The following UBXN7 variants were observed in gnomAD, a reference collection of about 807,000 sequenced individuals.
UBXN7 encodes UBX domain protein 7.
UBXN7 carries 9 observed loss-of-function variants against 58.0 expected under a neutral mutation model. That is an observed-to-expected ratio of 0.16 (90% CI 0.09 to 0.27). The LOEUF (loss-of-function observed/expected upper bound fraction) is 0.27. Ranked by LOEUF, UBXN7 falls within the 10% of genes least tolerant of loss-of-function variation. The pLI, the probability that UBXN7 is intolerant of heterozygous loss-of-function variation, is 1.00. For synonymous variants in UBXN7, 208 were observed against 205.0 expected, an observed-to-expected ratio of 1.01 and a Z score of -0.12; for missense variants, 328 against 599.6, an observed-to-expected ratio of 0.55 and a Z score of 4.73.
rs1728223148 is a variant in UBXN7, at chr3:196,351,873, C to A, written c.*4812G>T. ...TGCTAGTGGCTCCCTCTGGTATTTT[C>A]CCTAAGTGTGCAAGTAAGATTCCTG... On this transcript the variant is annotated 3_prime_UTR_variant, in exon 11 of 11. Coordinates refer to ENST00000296328, the MANE Select transcript of UBXN7 (RefSeq NM_015562.2). 6.6e-6 allele frequency: 1 copy of A among 152,108 alleles called. No individual in the cohort carries two copies. The highest frequency in any genetic ancestry group is 1.5e-5 in the Non-Finnish European group (1 of 68,022). The allele number at this position is 152,108 out of a possible 1,614,324, so 9.4% of individuals were successfully genotyped here. A position where few individuals can be genotyped will look rare whatever the true frequency, so the allele number is the denominator to read the frequency against.
intron 1 of UBXN7, among the ~76,000 whole-genome samples, chr3:196,430,139 G>C (rs4133244): frequency 0.5 from 76,160 of 151,636 alleles, 19,686 homozygotes; most frequent in East Asian, 0.87. Flanking sequence ...TGGATCATTT[G>C]AGGACAGGAG....
chr3:196,382,024 T>C (rs528002552), intron 5 of UBXN7, among the ~76,000 whole-genome samples: 6 of 152,322 alleles, frequency 3.9e-5, no homozygotes, highest in African/African-American at 1.4e-4. Flanking sequence ...TTGGTGTACC[T>C]GAAAGTGACG....
intron 1 of UBXN7, among the ~76,000 whole-genome samples, chr3:196,424,799 T>C (rs1730797184): frequency 6.7e-6 from 1 of 150,070 alleles, no homozygotes; most frequent in South Asian, 2.1e-4. Context: ...GCCTTCCAGG[T>C]TCAAGCAATT....
chr3:196,397,150 G>C (rs901015127), intron 3 of UBXN7, among the ~76,000 whole-genome samples: 1 of 152,272 alleles, frequency 6.6e-6, no homozygotes, highest in African/African-American at 2.4e-5. Context: ...CTTCCAAGCC[G>C]TCTGCCACAA....
intron 5 of UBXN7, among the ~76,000 whole-genome samples, chr3:196,384,722 C>T (rs1729319467): frequency 6.6e-6 from 1 of 152,142 alleles, no homozygotes; most frequent in African/African-American, 2.4e-5. Flanking sequence ...TCAATAGATG[C>T]AGAAAAGACC....
intron 5 of UBXN7, among the ~76,000 whole-genome samples, chr3:196,376,334 G>A (rs1033316366): frequency 6.6e-6 from 1 of 151,934 alleles, no homozygotes; most frequent in Non-Finnish European, 1.5e-5. Flanking sequence ...CCTGAGGTCA[G>A]GAGTTCGAGA....
chr3:196,432,107 T>C lies in UBXN7; in HGVS notation c.73+220A>G, dbSNP rs948804950. The C allele has an allele frequency of 1.6e-5, 11 of 681,120 alleles. No individual in the cohort carries two copies. The African/African-American group carries it at 1.9e-4, about 12-fold the overall frequency. 42.2% of individuals were successfully genotyped at this position (681,120 alleles called of 1,614,324 possible). A position where few individuals can be genotyped will look rare whatever the true frequency, so the allele number is the denominator to read the frequency against. On this transcript the variant is annotated intron_variant, in intron 1 of 10. Transcript: ENST00000296328. ...GGGGTTGGGGGATCTCCCTCCACGC[T>C]ACTAGGAGACAGAGAACGAGGGTAT...
chr3:196,416,110 G>T (rs1318413354), intron 1 of UBXN7: 2 of 152,194 alleles, frequency 1.3e-5, no homozygotes, highest in African/African-American at 4.8e-5. Context: ...ACCAATGCTG[G>T]CTACTTTCAT....
intron 1 of UBXN7, among the ~76,000 whole-genome samples, chr3:196,417,602 A>G (rs899425725): frequency 1.6e-4 from 24 of 151,398 alleles, no homozygotes; most frequent in African/African-American, 5.6e-4. Flanking sequence ...ATGAAGTGCT[A>G]CCATGAATTA....
rs1728221661 is a variant in UBXN7 at position 196,351,826 on chromosome 3, A to G, written c.*4859T>C. 6.6e-6 allele frequency: 1 copy of G among 152,114 alleles called. No individual in the cohort carries two copies. Among genetic ancestry groups the G allele is most frequent in the African/African-American group, 2.4e-5 (1 of 41,412 alleles). The allele number at this position is 152,114 out of a possible 1,614,324, so 9.4% of individuals were successfully genotyped here. A position where few individuals can be genotyped will look rare whatever the true frequency, so the allele number is the denominator to read the frequency against. On this transcript the variant is annotated 3_prime_UTR_variant, in exon 11 of 11. Coordinates refer to ENST00000296328, the MANE Select transcript of UBXN7 (RefSeq NM_015562.2). ...GATTTGTACCTGGGTAGAGAAATTA[A>G]ATCTTTCCTTCATTTTTCGGTTGCT...
intron 10 of UBXN7, among the ~76,000 whole-genome samples, chr3:196,361,152 G>A (rs1728495023): frequency 6.6e-6 from 1 of 152,166 alleles, no homozygotes; most frequent in Admixed American, 6.5e-5. Context: ...TGACTTTGAG[G>A]GGTTTAAGAA....
At chr3:196,376,814 G>A (rs1729042775) in intron 5 of UBXN7, among the ~76,000 whole-genome samples, 1 of 151,842 alleles carries the variant, frequency 6.6e-6, no homozygotes, top group African/African-American at 2.4e-5. Flanking sequence ...GGGAGGCCAA[G>A]GCTGGTTAAT....
At chr3:196,385,613 C>T (rs1729356435) in intron 5 of UBXN7, among the ~76,000 whole-genome samples, 2 of 152,032 alleles carry the variant, frequency 1.3e-5, no homozygotes, top group Non-Finnish European at 2.9e-5. Context: ...CTCTGCCCCG[C>T]CGCCACCCAC....
intron 7 of UBXN7, 74 bp downstream of exon 7, chr3:196,369,347 T>C (rs1728755205): frequency 2.5e-6 from 3 of 1,191,238 alleles, no homozygotes; most frequent in African/African-American, 1.5e-5. Context: ...TCCAGTCAAA[T>C]ATTAAAGATC....
At chr3:196,388,061 A>G (rs1455265289) in intron 5 of UBXN7, among the ~76,000 whole-genome samples, 1 of 152,146 alleles carries the variant, frequency 6.6e-6, no homozygotes, top group African/African-American at 2.4e-5. Context: ...CATCAATGAT[A>G]GACTGCATTA....
At chr3:196,391,992 A>AC in intron 4 of UBXN7, 67 bp from the exon 5 acceptor site, 2 of 795,448 alleles carry the variant, frequency 2.5e-6, no homozygotes, top group Non-Finnish European at 3.8e-6. Flanking sequence ...AAAAAAAAAA[A>AC]AAAAACACAA....
chr3:196,358,077 C>G (rs1015339999), intron 10 of UBXN7, among the ~76,000 whole-genome samples: 34 of 152,072 alleles, frequency 2.2e-4, no homozygotes, highest in African/African-American at 8.0e-4. Flanking sequence ...AAACCAAAAA[C>G]CACAGAAAGC....
At position 196,406,065 on chromosome 3, in the gene UBXN7, C is replaced by CT. The variant is rs1247407565; in HGVS notation, c.221+1180dup. Reference sequence around the variant, plus strand: ...TTTTTTTGAGACAGGAGGCCTCACTCTGTGTCATCCAGGTTGGAGTGCAGT... The same window carrying CT: ...TTTTTTTGAGACAGGAGGCCTCACTCTTGTGTCATCCAGGTTGGAGTGCAGT... On this transcript the variant is annotated intron_variant, in intron 2 of 10. Transcript: ENST00000296328. Among the ~76,000 whole-genome samples the CT allele has an allele frequency of 1.5e-4, 23 of 151,652 alleles. No individual in the cohort carries two copies. In the East Asian group the frequency reaches 3.9e-3, roughly 26 times the overall value.
At chr3:196,381,547 A>G (rs1421436954) in intron 5 of UBXN7, among the ~76,000 whole-genome samples, 1 of 152,244 alleles carries the variant, frequency 6.6e-6, no homozygotes, top group Non-Finnish European at 1.5e-5. Flanking sequence ...AGAGCAGAAA[A>G]GATGAAAATT....
Sources: gnomAD v4.1 joint callset for allele counts (sites outside exome capture counted in the v4.1 genomes callset) on GRCh38, gnomAD v4.1.1 for gene constraint, MANE v1.5 for transcripts, NCBI Gene and HGNC (gene_info 2026-07-23, HGNC 2026-07-21) for gene names.